ZFHX3: variants seen among roughly 807,000 people sequenced by gnomAD.
ZFHX3 encodes zinc finger homeobox protein 3.
A neutral mutation model predicts 279.1 loss-of-function variants in ZFHX3; 42 were observed. The ratio of observed to expected loss-of-function variants is 0.15; its 90% confidence interval spans 0.12 to 0.19. The LOEUF is 0.19. Among genes scored for constraint, ZFHX3 ranks in the 10% least tolerant of loss-of-function variants. The pLI is 1.00. For synonymous variants in ZFHX3, 2,293 were observed against 1,957.8 expected (o/e 1.17, Z -4.52); for missense variants, 4,981 against 4,754.0 (o/e 1.05, Z -1.40).
At chr16:73,846,616 G>A (rs985555521) in intron 1 of ZFHX3, among the ~76,000 whole-genome samples, 2 of 152,158 alleles carry the variant, frequency 1.3e-5, no homozygotes, top group Admixed American at 1.3e-4. Context: ...ATAAGCACAG[G>A]CCTCAGATGC....
chr16:73,274,922 A>G (rs2143039163), intron 4 of ZFHX3, among the ~76,000 whole-genome samples: 1 of 152,368 alleles, frequency 6.6e-6, no homozygotes, highest in African/African-American at 2.4e-5. Context: ...TTGGTCTAAG[A>G]AACTGTAGTT....
At chr16:73,426,537 A>G (rs1376690115) in intron 3 of ZFHX3, among the ~76,000 whole-genome samples, 1 of 152,130 alleles carries the variant, frequency 6.6e-6, no homozygotes, top group Admixed American at 6.5e-5. Context: ...CTGTAGCCAG[A>G]GTACCCAAGA....
chr16:73,202,158 C>G (rs2011629056), intron 5 of ZFHX3, among the ~76,000 whole-genome samples: 1 of 152,092 alleles, frequency 6.6e-6, no homozygotes, highest in Non-Finnish European at 1.5e-5. Context: ...ATTCTTTGTC[C>G]CTGGGTGATG....
At chr16:73,027,741 A>C (rs1052671778) in intron 1 of ZFHX3, among the ~76,000 whole-genome samples, 1 of 152,116 alleles carries the variant, frequency 6.6e-6, no homozygotes, top group African/African-American at 2.4e-5. Flanking sequence ...ATGCCCTTCC[A>C]GGCTGGGATC....
chr16:73,890,868 A>C (rs1034899308), intron 1 of ZFHX3, among the ~76,000 whole-genome samples: 15 of 152,120 alleles, frequency 9.9e-5, no homozygotes, highest in Non-Finnish European at 4.4e-5. Context: ...AATCAGCATC[A>C]CCACCACCAC....
At chr16:73,752,621 C>A (rs778596739) in intron 1 of ZFHX3, among the ~76,000 whole-genome samples, 3 of 152,134 alleles carry the variant, frequency 2.0e-5, no homozygotes, top group Non-Finnish European at 4.4e-5. Context: ...GTCTCCTTGG[C>A]CAACTCCTGA....
Position 73,347,428 on chromosome 16 carries a change from C to T in ZFHX3, c.-1290-29092G>A, listed in dbSNP as rs2016143745. On this transcript the variant is annotated intron_variant, in intron 3 of 17. Transcript: ENST00000641206. Reference sequence around the variant, plus strand: ...ACACTTTGTGATATCAGCATCTGTTCCATCTGGGGCATCAGGGACTCAGCC... The same window carrying T: ...ACACTTTGTGATATCAGCATCTGTTTCATCTGGGGCATCAGGGACTCAGCC... Among the ~76,000 whole-genome samples, 2 of 152,236 alleles carry T rather than the reference C, an allele frequency of 1.3e-5. 1 individual carries two copies. The highest frequency in any genetic ancestry group is 3.8e-4 in the East Asian group (2 of 5,200).
chr16:73,735,913 T>G (rs74028448), intron 1 of ZFHX3, among the ~76,000 whole-genome samples: 38 of 151,854 alleles, frequency 2.5e-4, no homozygotes, highest in Admixed American at 1.4e-3. Context: ...TTTTTTTTTT[T>G]TTTAATGCTC....
At chr16:73,325,712 C>A (rs1029266803) in intron 3 of ZFHX3, among the ~76,000 whole-genome samples, 1 of 151,952 alleles carries the variant, frequency 6.6e-6, no homozygotes, top group African/African-American at 2.4e-5. Context: ...AAAACATGGG[C>A]TAAGCCTTTT....
chr16:73,654,842 C>T (rs4349176), intron 2 of ZFHX3, among the ~76,000 whole-genome samples: 138,869 of 143,010 alleles, frequency 0.97, 67,450 homozygotes, highest in East Asian at 1. Flanking sequence ...CTCTTCTAAA[C>T]GATAGTAATC....
intron 2 of ZFHX3, among the ~76,000 whole-genome samples, chr16:73,574,317 C>CCAAA (rs2051774816): frequency 1.3e-5 from 2 of 150,742 alleles, no homozygotes; most frequent in African/African-American, 2.5e-5. Flanking sequence ...TGTAACGGAC[C>CCAAA]CGGGTGAAAT....
intron 2 of ZFHX3, among the ~76,000 whole-genome samples, chr16:73,633,320 T>C (rs948525229): frequency 6.6e-6 from 1 of 152,194 alleles, no homozygotes; most frequent in Non-Finnish European, 1.5e-5. Context: ...ACATGAAGTA[T>C]GTTCAAACCC....
chr16:72,948,756 G>A (rs1053945056), intron 3 of ZFHX3, among the ~76,000 whole-genome samples: 8 of 152,150 alleles, frequency 5.3e-5, no homozygotes, highest in Admixed American at 3.3e-4. Flanking sequence ...CAATGGCCAC[G>A]CCGAGTCCTT....
chr16:73,014,426 A>G lies in ZFHX3; in HGVS notation c.-50+33326T>C, dbSNP rs527279870. ...ATCGCAGTTTTGAACATTAGTTAAT[A>G]AAGTTTAAACATACTACATCCTTAC... On this transcript the variant is annotated intron_variant, in intron 1 of 9. Coordinates refer to ENST00000268489, the MANE Select transcript of ZFHX3 (RefSeq NM_006885.4). 5 of 152,170 alleles carry G rather than the reference A, an allele frequency of 3.3e-5. 1 individual carries two copies. The highest frequency in any genetic ancestry group is 7.4e-5 in the Non-Finnish European group (5 of 67,986). 9.4% of individuals were successfully genotyped at this position (152,170 alleles called of 1,614,324 possible).
intron 4 of ZFHX3, among the ~76,000 whole-genome samples, chr16:73,295,683 G>C (rs1341951479): frequency 6.6e-6 from 1 of 152,188 alleles, no homozygotes; most frequent in Non-Finnish European, 1.5e-5. Flanking sequence ...CTGATGGAGG[G>C]TCACCAGGAA....
intron 5 of ZFHX3, among the ~76,000 whole-genome samples, chr16:73,166,257 A>G (rs1967363454): frequency 6.6e-6 from 1 of 152,210 alleles, no homozygotes; most frequent in Non-Finnish European, 1.5e-5. Flanking sequence ...TTGGTGTGAC[A>G]TGGAGATTTA....
intron 5 of ZFHX3, among the ~76,000 whole-genome samples, chr16:73,209,291 T>A (rs1407841108): frequency 6.6e-6 from 1 of 152,196 alleles, no homozygotes; most frequent in Non-Finnish European, 1.5e-5. Flanking sequence ...TAGCATTGTC[T>A]TAGTCTGTTT....
chr16:73,713,018 C>T (rs1462047450), intron 1 of ZFHX3, among the ~76,000 whole-genome samples: 1 of 152,190 alleles, frequency 6.6e-6, no homozygotes, highest in Non-Finnish European at 1.5e-5. Context: ...TGGTAATGGG[C>T]TGATCTCCAG....
At chr16:73,525,092 G>A (rs1174728550) in intron 2 of ZFHX3, among the ~76,000 whole-genome samples, 1 of 152,172 alleles carries the variant, frequency 6.6e-6, no homozygotes, top group Non-Finnish European at 1.5e-5. Flanking sequence ...TCAATAAGGA[G>A]AAAGAGACCA....
Sources: allele counts gnomAD v4.1 joint callset (sites outside exome capture counted in the v4.1 genomes callset), GRCh38; gene constraint gnomAD v4.1.1; transcripts MANE v1.5; gene names NCBI Gene and HGNC (gene_info 2026-07-23, HGNC 2026-07-21).